Variants in HPSE2 observed in about 807,000 individuals in gnomAD.
HPSE2 encodes inactive heparanase-2.
In HPSE2, 38 loss-of-function variants were observed where a neutral mutation model predicts 60.5. The observed-to-expected ratio is 0.63, with a 90% CI of 0.48 to 0.82. HPSE2 has a LOEUF of 0.82. Among genes scored for constraint, HPSE2 ranks in the 40% least tolerant of loss-of-function variants. The pLI is 0.00. For synonymous variants in HPSE2, 295 were observed against 293.2 expected (o/e 1.01, Z -0.06); for missense variants, 713 against 740.4 (o/e 0.96, Z 0.43).
At chr10:99,029,947 T>C (rs1244408954) in intron 3 of HPSE2, among the ~76,000 whole-genome samples, 1 of 152,180 alleles carries the variant, frequency 6.6e-6, no homozygotes, top group Non-Finnish European at 1.5e-5. Flanking sequence ...TAGACCACGG[T>C]CTGCCTGGCA....
At chr10:98,716,920 G>A (rs1347323137) in intron 5 of HPSE2, among the ~76,000 whole-genome samples, 1 of 151,994 alleles carries the variant, frequency 6.6e-6, no homozygotes, top group Non-Finnish European at 1.5e-5. Context: ...ATAGAGTACA[G>A]GTGGAGCAGA....
chr10:99,018,108 G>T (rs985867180), intron 3 of HPSE2, among the ~76,000 whole-genome samples: 11 of 152,162 alleles, frequency 7.2e-5, no homozygotes, highest in African/African-American at 2.7e-4. Context: ...GATTCTTGAA[G>T]ATTTTGTTAG....
intron 3 of HPSE2, among the ~76,000 whole-genome samples, chr10:98,992,781 T>C (rs1316503819): frequency 6.6e-6 from 1 of 152,224 alleles, no homozygotes; most frequent in Non-Finnish European, 1.5e-5. Context: ...TAAAATGTGA[T>C]GCAGGAATCA....
chr10:98,804,628 T>C (rs1161059590), intron 3 of HPSE2, among the ~76,000 whole-genome samples: 1 of 152,010 alleles, frequency 6.6e-6, no homozygotes, highest in Admixed American at 6.6e-5. Flanking sequence ...AGACAGGCAA[T>C]AACAAATGCT....
intron 3 of HPSE2, among the ~76,000 whole-genome samples, chr10:98,831,314 C>T (rs17110919): frequency 0.012 from 1,809 of 152,190 alleles, 24 homozygotes; most frequent in African/African-American, 0.041. Flanking sequence ...AGTGTGCTTC[C>T]TCCAAGGCAA....
the HPSE2 span, among the ~76,000 whole-genome samples, chr10:99,258,958 C>T: frequency 2.6e-5 from 4 of 152,054 alleles, no homozygotes; most frequent in African/African-American, 9.7e-5. Flanking sequence ...AAGGAATATT[C>T]TCTTAGATGC....
intron 3 of HPSE2, among the ~76,000 whole-genome samples, chr10:98,853,169 CT>C (rs2134743517): frequency 6.6e-6 from 1 of 152,316 alleles, no homozygotes; most frequent in Admixed American, 6.5e-5. Context: ...TTATGGAAGG[CT>C]GAGCCATTCT....
chr10:99,161,285 G>T (rs1351533448), intron 2 of HPSE2, among the ~76,000 whole-genome samples: 2 of 150,962 alleles, frequency 1.3e-5, no homozygotes, highest in African/African-American at 4.9e-5. Flanking sequence ...GCCAAAACTG[G>T]CAACAGCCCA....
chr10:98,804,789 C>T (rs1277977797), intron 3 of HPSE2, among the ~76,000 whole-genome samples: 2 of 151,982 alleles, frequency 1.3e-5, no homozygotes, highest in Non-Finnish European at 2.9e-5. Context: ...GGGTATATAC[C>T]CAAAAGAAAG....
chr10:99,096,702 T>C (rs1843729671), intron 3 of HPSE2, among the ~76,000 whole-genome samples: 1 of 152,278 alleles, frequency 6.6e-6, no homozygotes, highest in South Asian at 2.1e-4. Flanking sequence ...TTGTGTTTTT[T>C]TTTTTCCTAT....
At chr10:98,519,335 G>T (rs1044040897) in intron 9 of HPSE2, among the ~76,000 whole-genome samples, 3 of 152,218 alleles carry the variant, frequency 2.0e-5, no homozygotes, top group Admixed American at 6.5e-5. Context: ...TAGAGTTTTT[G>T]AGCTAATTCT....
chr10:99,090,595 G>C (rs1456183397), intron 3 of HPSE2, among the ~76,000 whole-genome samples: 1 of 152,018 alleles, frequency 6.6e-6, no homozygotes, highest in Non-Finnish European at 1.5e-5. Context: ...AAATAAATGA[G>C]TAGGATAAGA....
rs1391488937 is a variant in HPSE2, at chr10:98,939,182, G to A, written c.611-195126C>T. Among the ~76,000 whole-genome samples, 8 of 143,362 alleles carry A rather than the reference G, an allele frequency of 5.6e-5. 1 individual carries two copies. The highest frequency in any genetic ancestry group is 1.4e-4 in the African/African-American group (5 of 35,114). The allele number at this position is 143,362 out of a possible 152,430, so 94.1% of individuals were successfully genotyped here. ...CTAGGAAGAAACTGCATCAACTAAC[G>A]AGCAAAATAACCAGCTAACATCATA... On this transcript the variant is annotated intron_variant, in intron 3 of 11. Coordinates refer to ENST00000370552, the MANE Select transcript of HPSE2 (RefSeq NM_021828.5).
chr10:99,109,403 T>G (rs1169089976), intron 3 of HPSE2, among the ~76,000 whole-genome samples: 2 of 152,114 alleles, frequency 1.3e-5, no homozygotes, highest in East Asian at 3.9e-4. Flanking sequence ...ATGAGTTGCT[T>G]GGAATTATTG....
At chr10:98,758,675 T>C (rs1237897914) in intron 3 of HPSE2, among the ~76,000 whole-genome samples, 2 of 152,218 alleles carry the variant, frequency 1.3e-5, no homozygotes, top group East Asian at 1.9e-4. Flanking sequence ...TATTAAAATG[T>C]CAAAAAATAA....
rs567795911 is a variant in HPSE2 at position 99,090,590 on chromosome 10, A to G, written c.610+53648T>C. ...TGAGAAATATTTGAACAAATAAATA[A>G]ATGAGTAGGATAAGAAAAACATTTC... On this transcript the variant is annotated intron_variant, in intron 3 of 11. Transcript: ENST00000370552. 2.6e-5 allele frequency among the ~76,000 whole-genome samples: 4 copies of G among 152,288 alleles called. No homozygotes were observed. In the East Asian group the frequency reaches 7.7e-4, roughly 29 times the overall value.
intron 3 of HPSE2, among the ~76,000 whole-genome samples, chr10:99,099,642 T>A (rs1002692952): frequency 6.6e-6 from 1 of 151,920 alleles, no homozygotes; most frequent in Non-Finnish European, 1.5e-5. Flanking sequence ...TTGAAGAGAG[T>A]AGTGGTTCTC....
At position 98,874,743 on chromosome 10, in the gene HPSE2, G is replaced by A. The variant is rs192297170; in HGVS notation, c.611-130687C>T. Among the ~76,000 whole-genome samples the A allele has an allele frequency of 3.6e-3, 549 of 152,072 alleles. 2 individuals carry two copies. Among genetic ancestry groups the A allele is most frequent in the African/African-American group, 0.013 (526 of 41,512 alleles). On this transcript the variant is annotated intron_variant, in intron 3 of 11. Coordinates refer to ENST00000370552, the MANE Select transcript of HPSE2 (RefSeq NM_021828.5). ...GCCCATTCAGTGTGATACTGGCTGT[G>A]GGTTTGTCATAAATAGCTCTTATTA...
chr10:99,284,090 C>CCAAT, the HPSE2 span, among the ~76,000 whole-genome samples: 3 of 152,126 alleles, frequency 2.0e-5, no homozygotes, highest in African/African-American at 7.2e-5. Flanking sequence ...AAACTACAGA[C>CCAAT]CAATATCCCT....
Sources: gnomAD v4.1 joint callset for allele counts (sites outside exome capture counted in the v4.1 genomes callset) on GRCh38, gnomAD v4.1.1 for gene constraint, MANE v1.5 for transcripts, NCBI Gene and HGNC (gene_info 2026-07-23, HGNC 2026-07-21) for gene names.